The following OXR1 variants were observed in gnomAD, a reference collection of about 807,000 sequenced individuals.
OXR1 encodes oxidation resistance protein 1.
In OXR1, 41 loss-of-function variants were observed where a neutral mutation model predicts 104.6. That is an observed-to-expected ratio of 0.39 (90% CI 0.31 to 0.51). The LOEUF is 0.51. Among genes scored for constraint, OXR1 ranks in the 20% least tolerant of loss-of-function variants. OXR1 has a pLI of 0.77. For synonymous variants in OXR1, 348 were observed against 348.4 expected, an observed-to-expected ratio of 1.00 and a Z score of 0.01; for missense variants, 955 against 1,031.9, an observed-to-expected ratio of 0.93 and a Z score of 1.02.
rs1563725824 is a variant in OXR1 at position 106,702,911 on chromosome 8, AG to A, written c.682del (p.Val228SerfsTer6). 1 of 1,612,178 alleles carries A rather than the reference AG, an allele frequency of 6.2e-7. No homozygotes were observed. Among genetic ancestry groups the A allele is most frequent in the Non-Finnish European group, 8.5e-7 (1 of 1,178,764 alleles). ...ACTTTCTTTTTTCACCTTAGGGCAC[AG>A]TCAGTGGTGTGCTGCTAGTTACACC... ...CKYITSGKGT[V>X]SGVLLVTPNN... On this transcript the variant is annotated frameshift_variant, in exon 8 of 17. Coordinates refer to ENST00000517566, the MANE Select transcript of OXR1 (RefSeq NM_001198533.2). LOFTEE classifies it high-confidence loss of function.
intron 3 of OXR1, among the ~76,000 whole-genome samples, chr8:106,520,079 G>T (rs1036010771): frequency 2.6e-5 from 4 of 152,168 alleles, no homozygotes. Flanking sequence ...ACATCCAAAA[G>T]CTGTAATAGT....
chr8:106,286,039 A>T (rs1812488173), intron 1 of OXR1, among the ~76,000 whole-genome samples: 1 of 150,440 alleles, frequency 6.6e-6, no homozygotes, highest in South Asian at 2.1e-4. Context: ...TCTCACCTCT[A>T]GTCTCAGTGA....
chr8:106,638,948 G>C (rs1586945414), intron 3 of OXR1, among the ~76,000 whole-genome samples: 1 of 150,326 alleles, frequency 6.7e-6, no homozygotes, highest in Non-Finnish European at 1.5e-5. Flanking sequence ...AAAAAATTCA[G>C]TTTAAAAATC....
chr8:106,713,761 A>T, intron 10 of OXR1, 62 bp from the exon 11 acceptor site: 1 of 941,944 alleles, frequency 1.1e-6, no homozygotes, highest in Non-Finnish European at 1.5e-6. Flanking sequence ...TTTTACAAAT[A>T]TAATTTTTTA....
intron 1 of OXR1, among the ~76,000 whole-genome samples, chr8:106,337,359 G>A (rs1384893815): frequency 6.6e-6 from 1 of 152,186 alleles, no homozygotes; most frequent in Non-Finnish European, 1.5e-5. Flanking sequence ...TAGAGAGAAG[G>A]AAGGAAAGCC....
At chr8:106,307,922 C>T (rs76314140) in intron 1 of OXR1, among the ~76,000 whole-genome samples, 13,213 of 151,884 alleles carry the variant, frequency 0.087, 665 homozygotes, top group African/African-American at 0.13. Flanking sequence ...ATGAGGACCA[C>T]TTATATTAAT....
Position 106,518,946 on chromosome 8 carries a change from G to T in OXR1, c.27G>T (p.Leu9=). ...ATGTGGTCTTCTTTACTTGTAGGCT[G>T]AAGAAAAAGTCCCAGTCGGTGGATA... The part of the protein sequence containing the change: MSVSNLSW[L]KKKSQSVDIN... Residue 9 remains leucine, a synonymous_variant, in exon 3 of 17, where the codon CTG becomes CTT. Transcript: ENST00000517566. 4 of 1,549,230 alleles carry T rather than the reference G, an allele frequency of 2.6e-6. No homozygotes were observed. The highest frequency in any genetic ancestry group is 3.5e-6 in the Non-Finnish European group (4 of 1,145,232).
intron 11 of OXR1, among the ~76,000 whole-genome samples, chr8:106,734,747 T>G (rs1834217246): frequency 6.6e-6 from 1 of 152,210 alleles, no homozygotes; most frequent in African/African-American, 2.4e-5. Flanking sequence ...AGTAAAGGCT[T>G]AGGAAAATAC....
chr8:106,572,945 G>A (rs1216224867), intron 3 of OXR1, among the ~76,000 whole-genome samples: 1 of 152,112 alleles, frequency 6.6e-6, no homozygotes, highest in Non-Finnish European at 1.5e-5. Context: ...TGGAGACCCA[G>A]GAGAGCTGAT....
intron 3 of OXR1, among the ~76,000 whole-genome samples, chr8:106,591,412 T>G (rs1819082353): frequency 6.8e-6 from 1 of 147,940 alleles, no homozygotes; most frequent in African/African-American, 2.5e-5. Context: ...ACGTGCACGT[T>G]GTGCACATGT....
chr8:106,724,195 A>G (rs377586715), intron 11 of OXR1, among the ~76,000 whole-genome samples: 10 of 152,210 alleles, frequency 6.6e-5, no homozygotes, highest in East Asian at 1.9e-4. Context: ...AATAAAGTAA[A>G]GGAAAAGGAT....
chr8:106,370,221 A>G (rs900828941), intron 2 of OXR1, among the ~76,000 whole-genome samples: 1 of 152,138 alleles, frequency 6.6e-6, no homozygotes, highest in Non-Finnish European at 1.5e-5. Flanking sequence ...GTGTAAAGGA[A>G]TGCTTTTGAT....
At chr8:106,384,301 GATCACCCATTCACA>G (rs1260899007) in intron 2 of OXR1, among the ~76,000 whole-genome samples, 1 of 152,116 alleles carries the variant, frequency 6.6e-6, no homozygotes, top group Non-Finnish European at 1.5e-5. Context: ...GCGTGCTTAT[GATCACCCATTCACA>G]GATAATGACA....
intron 6 of OXR1, among the ~76,000 whole-genome samples, chr8:106,691,619 CATATATAT>C (rs35095319): frequency 2.8e-5 from 4 of 140,984 alleles, no homozygotes; most frequent in Non-Finnish European, 3.1e-5. Context: ...CATATATATA[CATATATAT>C]ATATATATAT....
chr8:106,668,269 A>C (rs1826558182), intron 3 of OXR1, among the ~76,000 whole-genome samples: 1 of 152,188 alleles, frequency 6.6e-6, no homozygotes. Flanking sequence ...TTTCAGTCTT[A>C]TAGCACTGAG....
chr8:106,697,582 A>G, intron 7 of OXR1: 1 of 1,611,066 alleles, frequency 6.2e-7, no homozygotes. Flanking sequence ...ATCCCCAGAG[A>G]AGAGCCCATC....
intron 2 of OXR1, among the ~76,000 whole-genome samples, chr8:106,445,540 C>T (rs1196352796): frequency 1.3e-5 from 2 of 152,190 alleles, no homozygotes; most frequent in East Asian, 3.9e-4. Flanking sequence ...CATTACCATG[C>T]CTGTCTCCTA....
chr8:106,592,252 C>T (rs1356200628), intron 3 of OXR1, among the ~76,000 whole-genome samples: 1 of 152,094 alleles, frequency 6.6e-6, no homozygotes, highest in Non-Finnish European at 1.5e-5. Context: ...AACTCATATT[C>T]TTGTGTGAGT....
At chr8:106,319,407 AG>A (rs1814118522) in intron 1 of OXR1, among the ~76,000 whole-genome samples, 2 of 152,222 alleles carry the variant, frequency 1.3e-5, no homozygotes, top group Admixed American at 6.5e-5. Context: ...TATATCCAGA[AG>A]GAAAGCAATT....
Sources: allele counts gnomAD v4.1 joint callset (sites outside exome capture counted in the v4.1 genomes callset), GRCh38; gene constraint gnomAD v4.1.1; transcripts MANE v1.5; gene names NCBI Gene and HGNC (gene_info 2026-07-23, HGNC 2026-07-21).